WWOX: variants seen among roughly 807,000 people sequenced by gnomAD.
WWOX encodes WW domain-containing oxidoreductase.
WWOX carries 69 observed loss-of-function variants against 46.2 expected under a neutral mutation model. That is an observed-to-expected ratio of 1.49 (90% CI 1.23 to 1.82). The LOEUF is 1.82. WWOX is among the 40% of genes most tolerant of loss of function. WWOX has a pLI of 0.00. For synonymous variants in WWOX, 359 were observed against 202.6 expected (o/e 1.77, Z -6.56); for missense variants, 919 against 542.6 (o/e 1.69, Z -6.89).
intron 8 of WWOX, among the ~76,000 whole-genome samples, chr16:78,845,610 C>G (rs972745098): frequency 3.9e-5 from 6 of 152,096 alleles, no homozygotes; most frequent in African/African-American, 1.4e-4. Flanking sequence ...CGTAATAGTC[C>G]ATAATTTATA....
At chr16:78,399,449 G>A (rs925103514) in intron 6 of WWOX, among the ~76,000 whole-genome samples, 1 of 149,904 alleles carries the variant, frequency 6.7e-6, no homozygotes, top group East Asian at 1.9e-4. Flanking sequence ...GAGGGCTTCT[G>A]TTAAGAGTAA....
rs541804636 is a variant in WWOX, at chr16:78,911,046, C to T, written c.1057-300562C>T. On this transcript the variant is annotated intron_variant, in intron 8 of 8. Transcript: ENST00000566780. ...AAATTAAAAAATGGCTTTCCCACAG[C>T]CTGTCGACTTCCATCCCCATGTGTG... Among the ~76,000 whole-genome samples the T allele has an allele frequency of 2.4e-4, 36 of 151,502 alleles. 1 individual carries two copies. The highest frequency in any genetic ancestry group is 3.0e-4 in the Non-Finnish European group (20 of 67,492).
At chr16:78,263,836 C>G (rs776185556) in intron 5 of WWOX, among the ~76,000 whole-genome samples, 6 of 152,088 alleles carry the variant, frequency 3.9e-5, no homozygotes, top group Non-Finnish European at 5.9e-5. Context: ...CTCTCAGGCT[C>G]TAGAAGTCTC....
At chr16:78,363,365 C>T (rs1380059378) in intron 5 of WWOX, among the ~76,000 whole-genome samples, 1 of 151,918 alleles carries the variant, frequency 6.6e-6, no homozygotes, top group Non-Finnish European at 1.5e-5. Flanking sequence ...CCCCAAACTC[C>T]CAAGCTCCAG....
At chr16:78,578,675 T>G (rs968618575) in intron 8 of WWOX, among the ~76,000 whole-genome samples, 3 of 152,176 alleles carry the variant, frequency 2.0e-5, no homozygotes, top group Non-Finnish European at 2.9e-5. Flanking sequence ...ATGCAGTGTT[T>G]GAAATAAATT....
Position 79,212,600 on chromosome 16 carries a change from A to ACATTGTAC in WWOX, c.*805_*812dup, listed in dbSNP as rs1171535301. On this transcript the variant is annotated 3_prime_UTR_variant, in exon 9 of 9. Transcript: ENST00000566780. ...TCACAGTCTCAGTTCTCTTGCTTTC[A>ACATTGTAC]CATTGTACTTAAACCTCCTGCTGTG... 2.5e-5 allele frequency: 4 copies of ACATTGTAC among 159,830 alleles called. No individual in the cohort carries two copies. The highest frequency in any genetic ancestry group is 5.6e-5 in the Non-Finnish European group (4 of 72,012). 9.9% of individuals were successfully genotyped at this position (159,830 alleles called of 1,614,324 possible).
chr16:78,404,385 G>C (rs1276695192), intron 6 of WWOX, among the ~76,000 whole-genome samples: 2 of 151,928 alleles, frequency 1.3e-5, no homozygotes, highest in African/African-American at 2.4e-5. Context: ...ATCCTTCAGG[G>C]GTTTGGGGCC....
At chr16:78,918,916 A>G (rs2045313144) in intron 8 of WWOX, among the ~76,000 whole-genome samples, 2 of 152,188 alleles carry the variant, frequency 1.3e-5, no homozygotes, top group East Asian at 1.9e-4. Context: ...AACACAGAGG[A>G]GTTGTTATTG....
rs558367550 is a variant in WWOX, at chr16:79,020,836, T to G, written c.1057-190772T>G. Among the ~76,000 whole-genome samples, 24 of 152,250 alleles carry G rather than the reference T, an allele frequency of 1.6e-4. No homozygotes were observed. In the South Asian group the frequency reaches 4.8e-3, roughly 30 times the overall value. ...TGAAAATAAGTGGTCACTTTGAGGT[T>G]TGATGGTTTAATTCTACCACAAAAG... On this transcript the variant is annotated intron_variant, in intron 8 of 8. Coordinates refer to ENST00000566780, the MANE Select transcript of WWOX (RefSeq NM_016373.4).
intron 8 of WWOX, among the ~76,000 whole-genome samples, chr16:78,446,137 AG>A (rs2083555750): frequency 6.6e-6 from 1 of 152,226 alleles, no homozygotes. Flanking sequence ...AGGTATCAGT[AG>A]GGATCATTCA....
chr16:78,758,841 C>T (rs1021040296), intron 8 of WWOX, among the ~76,000 whole-genome samples: 13 of 151,276 alleles, frequency 8.6e-5, no homozygotes, highest in African/African-American at 3.2e-4. Context: ...ATATTTGTAT[C>T]ACTAACCATT....
chr16:78,894,106 A>C (rs1000352844), intron 8 of WWOX, among the ~76,000 whole-genome samples: 1 of 151,070 alleles, frequency 6.6e-6, no homozygotes, highest in Non-Finnish European at 1.5e-5. Flanking sequence ...TAGTGTAGTC[A>C]TGGCTCACTG....
intron 8 of WWOX, among the ~76,000 whole-genome samples, chr16:79,197,813 AC>A (rs1221804860): frequency 6.6e-6 from 1 of 152,086 alleles, no homozygotes; most frequent in Non-Finnish European, 1.5e-5. Flanking sequence ...GTTTCATCCC[AC>A]CATGATGATG....
intron 8 of WWOX, among the ~76,000 whole-genome samples, chr16:78,704,149 A>T (rs1471651253): frequency 2.7e-5 from 4 of 149,692 alleles, no homozygotes; most frequent in African/African-American, 7.4e-5. Flanking sequence ...TTTTTTTTTT[A>T]ACCTCCAGCA....
intron 8 of WWOX, chr16:78,872,927 A>G (rs1204771532): frequency 1.3e-5 from 2 of 152,082 alleles, no homozygotes; most frequent in South Asian, 2.1e-4. Flanking sequence ...CCTCCTTTGT[A>G]TCTGGGACCA....
intron 8 of WWOX, among the ~76,000 whole-genome samples, chr16:78,921,628 T>C (rs1333575375): frequency 6.6e-6 from 1 of 152,206 alleles, no homozygotes; most frequent in African/African-American, 2.4e-5. Flanking sequence ...ACATGGATTC[T>C]GGATGACCTA....
At chr16:78,436,560 G>C (rs568438062) in intron 8 of WWOX, among the ~76,000 whole-genome samples, 6 of 152,128 alleles carry the variant, frequency 3.9e-5, no homozygotes, top group African/African-American at 1.4e-4. Context: ...TACTTTTTTA[G>C]CCATCAGCGT....
rs745529902 is a variant in WWOX at position 78,398,901 on chromosome 16, C to T, written c.605+11953C>T. Among the ~76,000 whole-genome samples, 4 of 152,210 alleles carry T rather than the reference C, an allele frequency of 2.6e-5. No homozygotes were observed. The South Asian group carries it at 8.3e-4, about 32-fold the overall frequency. ...CATCATTGTCATCGTCTTTATCATC[C>T]TTTGCAATTATTACATTTACTGCCT... On this transcript the variant is annotated intron_variant, in intron 6 of 8. Coordinates refer to ENST00000566780, the MANE Select transcript of WWOX (RefSeq NM_016373.4).
chr16:79,094,327 C>T (rs763979134), intron 8 of WWOX, among the ~76,000 whole-genome samples: 21 of 151,046 alleles, frequency 1.4e-4, no homozygotes, highest in East Asian at 3.9e-4. Flanking sequence ...GATCTCGGCT[C>T]GCTGCAAACT....
Sources: gnomAD v4.1 joint callset for allele counts (sites outside exome capture counted in the v4.1 genomes callset) on GRCh38, gnomAD v4.1.1 for gene constraint, MANE v1.5 for transcripts, NCBI Gene and HGNC (gene_info 2026-07-23, HGNC 2026-07-21) for gene names.